SIDT2: variants seen among roughly 807,000 people sequenced by gnomAD.
The protein encoded by SIDT2 is SID1 transmembrane family, member 2.
SIDT2 carries 68 observed loss-of-function variants against 114.4 expected under a neutral mutation model. The observed-to-expected ratio is 0.59, with a 90% CI of 0.49 to 0.73. SIDT2 has a LOEUF of 0.73. Ranked by LOEUF, SIDT2 falls within the 30% of genes least tolerant of loss-of-function variation. The pLI is 0.00. For synonymous variants in SIDT2, 470 were observed against 438.4 expected, an observed-to-expected ratio of 1.07 and a Z score of -0.90; for missense variants, 918 against 1,097.1, an observed-to-expected ratio of 0.84 and a Z score of 2.31.
intron 9 of SIDT2, 118 bp downstream of exon 9, chr11:117,186,341 T>TG: frequency 1.1e-6 from 1 of 934,260 alleles, no homozygotes; most frequent in South Asian, 1.4e-5. Flanking sequence ...TAGCAGATGA[T>TG]GGTGGGGCTG....
At position 117,181,894 on chromosome 11, in the gene SIDT2, C is replaced by T. The variant is rs199775774; in HGVS notation, c.393C>T (p.Tyr131=). ...ATGAGTCGGAGATTCAGTTCTTCTA[C>T]GTGGATGTGTCCACCCTGTCACCAG... is the stretch of plus-strand genomic sequence containing the variant. ...TKNESEIQFF[Y]VDVSTLSPVN... The change falls in exon 3 of 26, where the codon TAC becomes TAT. Residue 131 remains tyrosine (Y), a synonymous_variant. Coordinates refer to ENST00000324225, the MANE Select transcript of SIDT2 (RefSeq NM_001040455.2). 25 of 1,614,198 alleles carry T rather than the reference C, an allele frequency of 1.5e-5. 1 individual carries two copies. Among genetic ancestry groups the T allele is most frequent in the African/African-American group, 1.2e-4 (9 of 75,040 alleles).
intron 8 of SIDT2, among the ~76,000 whole-genome samples, chr11:117,184,969 C>A (rs971827773): frequency 6.6e-6 from 1 of 151,980 alleles, no homozygotes; most frequent in Non-Finnish European, 1.5e-5. Context: ...TCAGGTGATC[C>A]GCCCACCTTG....
At position 117,196,497 on chromosome 11, in the gene SIDT2, A is replaced by G; in HGVS notation, c.*431A>G. The G allele has an allele frequency of 9.5e-6, 2 of 210,996 alleles. No homozygotes were observed. The highest frequency in any genetic ancestry group is 1.6e-4 in the South Asian group (2 of 12,408). 13.1% of individuals were successfully genotyped at this position (210,996 alleles called of 1,614,324 possible). A position where few individuals can be genotyped will look rare whatever the true frequency, so the allele number is the denominator to read the frequency against. ...CTTTTTCCTCCCATACTCCCACTCC[A>G]GGGCCTAGTCTGGGGCCTGAATCTC... On this transcript the variant is annotated 3_prime_UTR_variant, in exon 26 of 26. Coordinates refer to ENST00000324225, the MANE Select transcript of SIDT2 (RefSeq NM_001040455.2). The surrounding 1 kb of genome is among the most constrained non-coding windows in gnomAD (Gnocchi z 4.9).
intron 15 of SIDT2, chr11:117,189,667 G>C: frequency 1.7e-6 from 1 of 599,778 alleles, no homozygotes; most frequent in Non-Finnish European, 3.0e-6. Context: ...AAGTCCTGGG[G>C]CTTTGTAAGC....
In SIDT2 at chr11:117,183,796, C is replaced by T; in HGVS notation, c.720C>T (p.Ser240=). The change falls in exon 7 of 26, where the codon AGC becomes AGT. Residue 240 remains serine (S), a synonymous_variant. Coordinates refer to ENST00000324225, the MANE Select transcript of SIDT2 (RefSeq NM_001040455.2). ...AITVQRKDFP[S]NSFYVVVVVK... is the part of the protein sequence containing the mutation. ...TCCTGCAGCGCAAAGACTTCCCCAG[C>T]AACAGCTTTTATGTGGTGGTGGTGG... 1.9e-6 allele frequency: 3 copies of T among 1,613,774 alleles called. No homozygotes were observed. The highest frequency in any genetic ancestry group is 2.5e-6 in the Non-Finnish European group (3 of 1,179,662).
At chr11:117,179,725 G>T in intron 1 of SIDT2, 2 of 366,730 alleles carry the variant, frequency 5.5e-6, no homozygotes, top group Non-Finnish European at 9.9e-6. Flanking sequence ...CACATGGCTT[G>T]CTCTCTACCC....
Position 117,192,337 on chromosome 11 carries a change from C to T in SIDT2, c.1956C>T (p.Leu652=). 6.2e-7 allele frequency: 1 copy of T among 1,608,174 alleles called. No individual in the cohort carries two copies. Among genetic ancestry groups the T allele is most frequent in the Non-Finnish European group, 8.5e-7 (1 of 1,174,834 alleles). Residue 652 remains leucine, a synonymous_variant, in exon 20 of 26, where the codon CTC becomes CTT. Coordinates refer to ENST00000324225, the MANE Select transcript of SIDT2 (RefSeq NM_001040455.2). The surrounding 1 kb of genome is among the most constrained non-coding windows in gnomAD (Gnocchi z 5.9). ...CCACCCTGCTCCTCAGCACGCAGCT[C>T]TATTACATGGGCCGGTGGAAACTGG... The part of the protein sequence containing the change: ...IIATLLLSTQ[L]YYMGRWKLDS...
intron 15 of SIDT2, 158 bp downstream of exon 15, chr11:117,189,559 C>A (rs908573504): frequency 4.2e-6 from 3 of 718,022 alleles, no homozygotes; most frequent in Non-Finnish European, 6.9e-6. Flanking sequence ...ATCACATAAC[C>A]CCCCCAACCC....
rs775367276 is a variant in SIDT2 at position 117,181,529 on chromosome 11, G to T, written c.297G>T (p.Leu99=). Residue 99 remains leucine (L), a synonymous_variant, in exon 2 of 26, where the codon CTG becomes CTT. Transcript: ENST00000324225. ...AVVSFQVPLI[L]RGMFQRKYLY... ...TGTCCTTCCAGGTGCCCCTAATCCT[G>T]CGAGGGATGTGAGTAGGATCTGGGC... The T allele has an allele frequency of 1.9e-5, 31 of 1,613,844 alleles. No individual in the cohort carries two copies. Among genetic ancestry groups the T allele is most frequent in the Non-Finnish European group, 2.6e-5 (31 of 1,179,980 alleles).
intron 15 of SIDT2, 26 bp from the exon 16 acceptor site, chr11:117,189,926 A>G: frequency 1.9e-6 from 3 of 1,612,310 alleles, no homozygotes; most frequent in Non-Finnish European, 2.5e-6. Context: ...CGACAGACCC[A>G]CTCCCTGTCC....
Position 117,181,423 on chromosome 11 carries a change from G to T in SIDT2, c.191G>T (p.Gly64Val), listed in dbSNP as rs1163603376. 1.2e-6 allele frequency: 2 copies of T among 1,613,524 alleles called. No homozygotes were observed. Among genetic ancestry groups the T allele is most frequent in the Admixed American group, 3.3e-5 (2 of 59,970 alleles). Reference protein sequence around the residue: ...NHTVTRNRTEGVRVSVNVLNK... With the variant: ...NHTVTRNRTEVVRVSVNVLNK... ...TTCCATGTCGTTCTGCAGACAGAGG[G>T]CGTGCGTGTGTCTGTGAACGTCCTG... The change falls in exon 2 of 26, where the codon GGC becomes GTC. Residue 64 changes from glycine (G) to valine (V), a missense_variant. By Grantham distance (109) the Gly-to-Val change is moderately radical. Coordinates refer to ENST00000324225, the MANE Select transcript of SIDT2 (RefSeq NM_001040455.2).
At position 117,195,843 on chromosome 11, in the gene SIDT2, C is replaced by G. The variant is rs2030877094; in HGVS notation, c.2364C>G (p.Ile788Met). 1 of 1,614,124 alleles carries G rather than the reference C, an allele frequency of 6.2e-7. No individual in the cohort carries two copies. Among genetic ancestry groups the G allele is most frequent in the Non-Finnish European group, 8.5e-7 (1 of 1,180,050 alleles). ...CGAGGGAGCACAACCGGGACTGCAT[C>G]CTCCTCGACTTCTTTGACGACCACG... ...AESREHNRDC[I>M]LLDFFDDHDI... The change falls in exon 25 of 26, where the codon ATC becomes ATG. Residue 788 changes from isoleucine to methionine, a missense_variant. Around this residue, in one of 4 missense-constraint regions of SIDT2, gnomAD observed 275 missense variants for 397.6 expected, o/e 0.69. Transcript: ENST00000324225.
Position 117,193,148 on chromosome 11 carries a change from G to A in SIDT2, c.2106-5G>A. The stretch of plus-strand genomic sequence containing the variant: ...TGCTTCACCACCCTTCATCCCTCTT[G>A]CCAGGGCTGCCTATGGGCTTATCAT... On this transcript the variant is annotated splice_polypyrimidine_tract_variant and splice_region_variant and intron_variant, in intron 22 of 25. Coordinates refer to ENST00000324225, the MANE Select transcript of SIDT2 (RefSeq NM_001040455.2). 6.2e-7 allele frequency: 1 copy of A among 1,614,124 alleles called. No homozygotes were observed. Among genetic ancestry groups the A allele is most frequent in the South Asian group, 1.1e-5 (1 of 91,088 alleles).
At position 117,190,014 on chromosome 11, in the gene SIDT2, G is replaced by C; in HGVS notation, c.1482G>C (p.Leu494=). Residue 494 remains leucine, a synonymous_variant, in exon 16 of 26, where the codon CTG becomes CTC. Coordinates refer to ENST00000324225, the MANE Select transcript of SIDT2 (RefSeq NM_001040455.2). This position sits in a 1 kb window ranked among gnomAD's most constrained non-coding sequence, Gnocchi z 4.1. ...ACAACTTCCTCTGCGCCCACCCACT[G>C]GGCAATCTCAGGTGGGGGTCATGCT... is the stretch of plus-strand genomic sequence containing the variant. ...CYYNFLCAHP[L]GNLSAFNNIL... is the part of the protein sequence containing the mutation. 6.2e-7 allele frequency: 1 copy of C among 1,614,112 alleles called. No homozygotes were observed. The highest frequency in any genetic ancestry group is 8.5e-7 in the Non-Finnish European group (1 of 1,180,018).
chr11:117,194,316 A>T (rs2030812142), intron 24 of SIDT2, among the ~76,000 whole-genome samples: 1 of 152,148 alleles, frequency 6.6e-6, no homozygotes, highest in South Asian at 2.1e-4. Context: ...CTAAAAAAAA[A>T]ATTTTAAACA....
rs1388639126 is a variant in SIDT2 at position 117,188,551 on chromosome 11, C to T, written c.1160-157C>T. ...ACTTAGGAGCACCTGATGTCTCCTC[C>T]CAGCTCCTGAGCCCACTTCCACCCC... On this transcript the variant is annotated intron_variant, in intron 12 of 25. Coordinates refer to ENST00000324225, the MANE Select transcript of SIDT2 (RefSeq NM_001040455.2). The surrounding 1 kb of genome is among the most constrained non-coding windows in gnomAD (Gnocchi z 4.0). 1.6e-6 allele frequency: 1 copy of T among 633,736 alleles called. No homozygotes were observed. The highest frequency in any genetic ancestry group is 2.9e-6 in the Non-Finnish European group (1 of 346,860). 39.3% of individuals were successfully genotyped at this position (633,736 alleles called of 1,614,324 possible).
rs901030566 is a variant in SIDT2, at chr11:117,190,820, C to A, written c.1735+80C>A. ...TCCTTCACTATCCCCAAGTCACCCA[C>A]AGGGATCGCTAAGACACCCCTGTAG... On this transcript the variant is annotated intron_variant, in intron 18 of 25. Coordinates refer to ENST00000324225, the MANE Select transcript of SIDT2 (RefSeq NM_001040455.2). The surrounding 1 kb of genome is among the most constrained non-coding windows in gnomAD (Gnocchi z 4.1). 2.6e-6 allele frequency: 3 copies of A among 1,157,120 alleles called. No individual in the cohort carries two copies. The African/African-American group carries it at 4.5e-5, about 17-fold the overall frequency. 71.7% of individuals were successfully genotyped at this position (1,157,120 alleles called of 1,614,324 possible). A position where few individuals can be genotyped will look rare whatever the true frequency, so the allele number is the denominator to read the frequency against.
At chr11:117,195,754 C>T in intron 24 of SIDT2, 48 bp from the exon 25 acceptor site, 1 of 1,602,436 alleles carries the variant, frequency 6.2e-7, no homozygotes, top group South Asian at 1.1e-5. Flanking sequence ...CTGGCCCTTG[C>T]CCTGCCAGAG....
Position 117,193,975 on chromosome 11 carries a change from C to A in SIDT2, c.2322+12C>A. ...TCAGCACCTGGCAGGTGAGCACTCA[C>A]CCTCAGGCTCCTTGTGAGCCAACAA... is the stretch of plus-strand genomic sequence containing the variant. On this transcript the variant is annotated intron_variant, in intron 24 of 25. Coordinates refer to ENST00000324225, the MANE Select transcript of SIDT2 (RefSeq NM_001040455.2). 6.2e-7 allele frequency: 1 copy of A among 1,605,452 alleles called. No homozygotes were observed. The highest frequency in any genetic ancestry group is 8.5e-7 in the Non-Finnish European group (1 of 1,172,332).
Sources: gnomAD v4.1 joint callset for allele counts (sites outside exome capture counted in the v4.1 genomes callset) on GRCh38, gnomAD v4.1.1 for gene constraint, gnomAD v4.1.1 regional missense constraint, Gnocchi (gnomAD v3.1) non-coding constraint, MANE v1.5 for transcripts, NCBI Gene and HGNC (gene_info 2026-07-23, HGNC 2026-07-21) for gene names.